The following PPP2R5C variants were observed in gnomAD, a reference collection of about 807,000 sequenced individuals.
PPP2R5C encodes serine/threonine-protein phosphatase 2A 56 kDa regulatory subunit gamma isoform.
A neutral mutation model predicts 68.9 loss-of-function variants in PPP2R5C; 7 were observed. The ratio of observed to expected loss-of-function variants is 0.10; its 90% CI spans 0.06 to 0.19. PPP2R5C has a LOEUF of 0.19. Among genes scored for constraint, PPP2R5C ranks in the 10% least tolerant of loss-of-function variants. The pLI is 1.00. For synonymous variants in PPP2R5C, 210 were observed against 222.2 expected (o/e 0.95, Z 0.49); for missense variants, 348 against 641.3 (o/e 0.54, Z 4.94).
At chr14:101,836,712 A>C in intron 1 of PPP2R5C, 1 of 252,280 alleles carries the variant, frequency 4.0e-6, no homozygotes, top group East Asian at 8.2e-5. Context: ...CTTTGGCTTT[A>C]AATCCTAAGA....
chr14:101,763,498 T>TCA (rs1215390931), intron 2 of PPP2R5C, among the ~76,000 whole-genome samples: 1 of 152,120 alleles, frequency 6.6e-6, no homozygotes, highest in Non-Finnish European at 1.5e-5. Context: ...TTCTCCTGCC[T>TCA]CAGCCTCCTG....
At chr14:101,883,952 G>A (rs2044318133) in intron 5 of PPP2R5C, among the ~76,000 whole-genome samples, 1 of 152,158 alleles carries the variant, frequency 6.6e-6, no homozygotes, top group Non-Finnish European at 1.5e-5. Flanking sequence ...ATATATGAAG[G>A]GGAGTTTATT....
At chr14:101,803,892 A>G (rs2038971437) in intron 3 of PPP2R5C, among the ~76,000 whole-genome samples, 1 of 152,164 alleles carries the variant, frequency 6.6e-6, no homozygotes, top group African/African-American at 2.4e-5. Context: ...TCAGGCTAAA[A>G]AGCTTCTGCA....
chr14:101,913,429 G>C lies in PPP2R5C; in HGVS notation c.1326+956G>C, dbSNP rs1241161920. ...TACCTATATAACAACATACTGGTTT[G>C]TATACTCTGATAAAACTGCAATCAG... On this transcript the variant is annotated intron_variant, in intron 12 of 13. Transcript: ENST00000334743. This position sits in a 1 kb window ranked among gnomAD's most constrained non-coding sequence, Gnocchi z 4.1. 6.6e-6 allele frequency among the ~76,000 whole-genome samples: 1 copy of C among 152,166 alleles called. No homozygotes were observed.
chr14:101,779,962 A>G (rs767496550), intron 2 of PPP2R5C, among the ~76,000 whole-genome samples: 6 of 152,206 alleles, frequency 3.9e-5, no homozygotes, highest in African/African-American at 7.2e-5. Context: ...CGAGGGAATC[A>G]TATAGGGAAG....
chr14:101,866,014 C>T (rs923530530), intron 2 of PPP2R5C, among the ~76,000 whole-genome samples: 7 of 152,322 alleles, frequency 4.6e-5, no homozygotes, highest in African/African-American at 1.7e-4. Context: ...CCTGCCTCAG[C>T]CTCCCAAGTA....
chr14:101,869,665 G>GTT (rs2043272923), intron 2 of PPP2R5C, among the ~76,000 whole-genome samples: 1 of 152,020 alleles, frequency 6.6e-6, no homozygotes, highest in African/African-American at 2.4e-5. Flanking sequence ...TTGTTTGTTT[G>GTT]TTTTTTGGAG....
At chr14:101,803,483 G>A (rs1344240314) in intron 3 of PPP2R5C, among the ~76,000 whole-genome samples, 3 of 152,132 alleles carry the variant, frequency 2.0e-5, no homozygotes, top group Non-Finnish European at 2.9e-5. Flanking sequence ...CCAGCACTTT[G>A]GGAGGCCAAG....
intron 2 of PPP2R5C, among the ~76,000 whole-genome samples, chr14:101,776,293 C>T (rs2037418177): frequency 6.6e-6 from 1 of 152,156 alleles, no homozygotes. Flanking sequence ...TGAGTGAGTT[C>T]CCTGTAACCA....
Position 101,882,350 on chromosome 14 carries a change from T to C in PPP2R5C, c.405+79T>C. 1 of 1,111,072 alleles carries C rather than the reference T, an allele frequency of 9.0e-7. No individual in the cohort carries two copies. The highest frequency in any genetic ancestry group is 1.6e-5 in the South Asian group (1 of 63,482). 68.8% of individuals were successfully genotyped at this position (1,111,072 alleles called of 1,614,324 possible). A position where few individuals can be genotyped will look rare whatever the true frequency, so the allele number is the denominator to read the frequency against. ...CCTGGGATCCACAGAGCGGGCGCACTGGTCTGGCCAGATGGACCTCTCCTC... is the reference window on the plus strand; with the variant it reads ...CCTGGGATCCACAGAGCGGGCGCACCGGTCTGGCCAGATGGACCTCTCCTC... On this transcript the variant is annotated intron_variant, in intron 3 of 13. Transcript: ENST00000334743. The surrounding 1 kb of genome is among the most constrained non-coding windows in gnomAD (Gnocchi z 4.9).
At chr14:101,820,313 G>C (rs2039971380) in intron 1 of PPP2R5C, 1 of 152,176 alleles carries the variant, frequency 6.6e-6, no homozygotes, top group African/African-American at 2.4e-5. Context: ...CAGTGCCACA[G>C]ACTCTTCTGC....
intron 5 of PPP2R5C, 103 bp downstream of exon 7, chr14:101,883,665 G>A: frequency 7.0e-7 from 1 of 1,418,486 alleles, no homozygotes; most frequent in Non-Finnish European, 9.6e-7. Flanking sequence ...CTCAGCATGT[G>A]GAGGGGGTTT....
intron 1 of PPP2R5C, chr14:101,818,988 C>G (rs1166887625): frequency 1.9e-6 from 3 of 1,541,642 alleles, no homozygotes; most frequent in African/African-American, 1.4e-5. Flanking sequence ...ATGTTTCACT[C>G]TAGGGAACAA....
At chr14:101,816,916 T>A (rs2039742996) in intron 1 of PPP2R5C, among the ~76,000 whole-genome samples, 1 of 140,932 alleles carries the variant, frequency 7.1e-6, no homozygotes, top group Non-Finnish European at 1.5e-5. Flanking sequence ...ATATAATATA[T>A]ATATTTATAT....
At chr14:101,816,883 A>AT (rs1491501147) in intron 1 of PPP2R5C, among the ~76,000 whole-genome samples, 3 of 132,040 alleles carry the variant, frequency 2.3e-5, no homozygotes, top group East Asian at 2.1e-4. Flanking sequence ...TATATATATT[A>AT]TATATATATT....
At chr14:101,881,128 C>T (rs1319385632) in intron 2 of PPP2R5C, among the ~76,000 whole-genome samples, 1 of 152,070 alleles carries the variant, frequency 6.6e-6, no homozygotes, top group Non-Finnish European at 1.5e-5. Context: ...GTGACTCACG[C>T]CTGTAATCCC....
In PPP2R5C at chr14:101,925,252, G is replaced by T. The variant is rs573862584; in HGVS notation, c.1555G>T (p.Ala519Ser). The T allele has an allele frequency of 3.1e-6, 5 of 1,613,196 alleles. No individual in the cohort carries two copies. The African/African-American group carries it at 6.7e-5, about 22-fold the overall frequency. Residue 519 changes from alanine (A) to serine (S), a missense_variant, in exon 14 of 14, where the codon GCC becomes TCC. Transcript: ENST00000334743. ...AGCTCACTGCAGGGCCGATGAGCTGGCCTCCCAGGACGGCCGCTAGCCTCC... is the reference window on the plus strand; with the variant it reads ...AGCTCACTGCAGGGCCGATGAGCTGTCCTCCCAGGACGGCCGCTAGCCTCC...
chr14:101,891,638 C>T lies in PPP2R5C; in HGVS notation c.689+1342C>T, dbSNP rs1047219284. 1.3e-4 allele frequency among the ~76,000 whole-genome samples: 20 copies of T among 152,180 alleles called. No homozygotes were observed. Among genetic ancestry groups the T allele is most frequent in the Admixed American group, 1.1e-3 (17 of 15,290 alleles). On this transcript the variant is annotated intron_variant, in intron 6 of 13. Coordinates refer to ENST00000334743, the Ensembl canonical transcript of PPP2R5C. The surrounding 1 kb of genome is among the most constrained non-coding windows in gnomAD (Gnocchi z 4.9). ...CATAGGGCCGCCGGGCAGCTCCCGC[C>T]GAGAGGCTGATTAGTTTTATCCTTC... is the stretch of plus-strand genomic sequence containing the variant.
Position 101,797,418 on chromosome 14 carries a change from A to G in PPP2R5C, c.259+11235A>G, listed in dbSNP as rs1043767867. The G allele has an allele frequency of 1.2e-5, 5 of 408,300 alleles. No homozygotes were observed. The highest frequency in any genetic ancestry group is 5.0e-5 in the Admixed American group (2 of 40,090). The allele number at this position is 408,300 out of a possible 1,614,324, so 25.3% of individuals were successfully genotyped here. On this transcript the variant is annotated intron_variant, in intron 3 of 14. Coordinates refer to the PPP2R5C transcript ENST00000328724. The surrounding 1 kb of genome is among the most constrained non-coding windows in gnomAD (Gnocchi z 4.2). ...TGTGTCATCCATTCGAGCATCTGCC[A>G]AGGACCCAGGAAACACACAGTGTGT...
Sources: allele counts gnomAD v4.1 joint callset (sites outside exome capture counted in the v4.1 genomes callset), GRCh38; gene constraint gnomAD v4.1.1; non-coding constraint Gnocchi (gnomAD v3.1); transcripts MANE v1.5; gene names NCBI Gene and HGNC (gene_info 2026-07-23, HGNC 2026-07-21).